Variants in AXDND1 observed in about 807,000 individuals in gnomAD.
The protein encoded by AXDND1 is axonemal dynein light chain domain containing 1.
In AXDND1, 110 loss-of-function variants were observed where a neutral mutation model predicts 137.5. The observed-to-expected ratio is 0.80, with a 90% CI of 0.69 to 0.94. The LOEUF (loss-of-function observed/expected upper bound fraction) is 0.94, where lower values mean the gene tolerates loss of function less well. Ranked by LOEUF, AXDND1 falls within the 40% of genes least tolerant of loss-of-function variation. AXDND1 has a pLI of 0.00. For synonymous variants in AXDND1, 414 were observed against 399.7 expected, an observed-to-expected ratio of 1.04 and a Z score of -0.43; for missense variants, 1,191 against 1,169.8, an observed-to-expected ratio of 1.02 and a Z score of -0.26.
chr1:179,511,081 C>T (rs1362450170), intron 21 of AXDND1, among the ~76,000 whole-genome samples: 9 of 151,766 alleles, frequency 5.9e-5, no homozygotes, highest in Non-Finnish European at 1.0e-4. Flanking sequence ...GCAGGAGAAT[C>T]GCTTGAACCC....
At chr1:179,436,659 G>A (rs1459487702) in intron 15 of AXDND1, among the ~76,000 whole-genome samples, 1 of 152,104 alleles carries the variant, frequency 6.6e-6, no homozygotes, top group Non-Finnish European at 1.5e-5. Context: ...ATGGACACAG[G>A]AAGGGGAAAA....
At chr1:179,474,658 C>T (rs1361884917) in intron 17 of AXDND1, among the ~76,000 whole-genome samples, 1 of 152,048 alleles carries the variant, frequency 6.6e-6, no homozygotes, top group Admixed American at 6.6e-5. Flanking sequence ...GAAGAAATTT[C>T]TAAGTGGCAA....
At chr1:179,371,034 T>C (rs1170609345) in intron 4 of AXDND1, among the ~76,000 whole-genome samples, 2 of 152,218 alleles carry the variant, frequency 1.3e-5, no homozygotes, top group African/African-American at 4.8e-5. Flanking sequence ...CTCCGGATCA[T>C]GGTTATAATT....
chr1:179,473,921 G>A (rs1407077178), intron 17 of AXDND1, among the ~76,000 whole-genome samples: 1 of 152,066 alleles, frequency 6.6e-6, no homozygotes, highest in East Asian at 1.9e-4. Flanking sequence ...AACCTCATTT[G>A]TTTATAAGTT....
intron 24 of AXDND1, 125 bp from the exon 25 acceptor site, chr1:179,534,605 C>A: frequency 8.0e-7 from 1 of 1,254,360 alleles, no homozygotes. Flanking sequence ...GATGCTGTTG[C>A]TTCCCTTATT....
At chr1:179,473,643 T>G (rs942044530) in intron 17 of AXDND1, among the ~76,000 whole-genome samples, 2 of 152,194 alleles carry the variant, frequency 1.3e-5, no homozygotes. Flanking sequence ...ATGGTTTGGC[T>G]CTGTGTCCCC....
chr1:179,462,776 A>G (rs34377475), intron 16 of AXDND1, among the ~76,000 whole-genome samples: 47,042 of 151,978 alleles, frequency 0.31, 7,820 homozygotes, highest in Middle Eastern at 0.4. Flanking sequence ...TTGGTAGGCT[A>G]TTAATTATTG....
chr1:179,481,725 C>T (rs1382719857), intron 17 of AXDND1, among the ~76,000 whole-genome samples: 1 of 152,214 alleles, frequency 6.6e-6, no homozygotes, highest in Non-Finnish European at 1.5e-5. Flanking sequence ...TTGCATTTCT[C>T]TGATGGCCAG....
chr1:179,516,020 A>G (rs1323804996), intron 21 of AXDND1, among the ~76,000 whole-genome samples: 1 of 152,202 alleles, frequency 6.6e-6, no homozygotes, highest in East Asian at 1.9e-4. Context: ...AGGTTATATC[A>G]TATAGCCAAG....
chr1:179,399,926 A>G (rs1019676414), intron 11 of AXDND1, among the ~76,000 whole-genome samples: 1 of 152,266 alleles, frequency 6.6e-6, no homozygotes, highest in South Asian at 2.1e-4. Context: ...TCAAAATCAG[A>G]TGTTGCCATG....
intron 12 of AXDND1, among the ~76,000 whole-genome samples, chr1:179,416,989 TGCAA>T (rs1654809721): frequency 6.6e-6 from 1 of 152,220 alleles, no homozygotes; most frequent in South Asian, 2.1e-4. Flanking sequence ...TCCACATCTT[TGCAA>T]GCATCTGTAT....
At chr1:179,491,215 A>G (rs1280726640) in intron 18 of AXDND1, among the ~76,000 whole-genome samples, 1 of 152,136 alleles carries the variant, frequency 6.6e-6, no homozygotes, top group African/African-American at 2.4e-5. Flanking sequence ...GGAGGTTAAG[A>G]TGGATGGATC....
intron 11 of AXDND1, among the ~76,000 whole-genome samples, chr1:179,401,114 C>G (rs1162361785): frequency 6.6e-6 from 1 of 150,960 alleles, no homozygotes; most frequent in Non-Finnish European, 1.5e-5. Context: ...CAAAATTAGC[C>G]AGGTGTGGTG....
Position 179,438,742 on chromosome 1 carries a change from T to C in AXDND1, c.1564-6228T>C, listed in dbSNP as rs568190923. On this transcript the variant is annotated intron_variant, in intron 15 of 25. Transcript: ENST00000367618. Reference sequence around the variant, plus strand: ...ATGTGCTATGATTAATGCAGTGATATAACTGGCAAGATTTGCAGGTCAATT... The same window carrying C: ...ATGTGCTATGATTAATGCAGTGATACAACTGGCAAGATTTGCAGGTCAATT... 3.9e-5 allele frequency among the ~76,000 whole-genome samples: 6 copies of C among 152,324 alleles called. No homozygotes were observed. In the South Asian group the frequency reaches 1.2e-3, roughly 32 times the overall value.
At chr1:179,379,058 G>A (rs1483240982) in intron 5 of AXDND1, among the ~76,000 whole-genome samples, 1 of 152,118 alleles carries the variant, frequency 6.6e-6, no homozygotes, top group Admixed American at 6.6e-5. Context: ...CACATATAAA[G>A]TTGTAGGATT....
intron 11 of AXDND1, among the ~76,000 whole-genome samples, chr1:179,403,981 A>G (rs1463067551): frequency 6.6e-6 from 1 of 152,172 alleles, no homozygotes; most frequent in Non-Finnish European, 1.5e-5. Context: ...ATTTTATTCA[A>G]CTATGATTTA....
In AXDND1 at chr1:179,483,146, A is replaced by G. The variant is rs757260454; in HGVS notation, c.2016A>G (p.Ile672Met). ...VDSVSVLQAYIFNMIQQWLLK... is the reference protein window; with the variant it reads ...VDSVSVLQAYMFNMIQQWLLK... ...CCTTCAGGGTACTCCAAGCGTATAT[A>G]TTTAACATGATTCAACAATGGCTTT... Residue 672 changes from isoleucine to methionine, a missense_variant, in exon 18 of 26, where the codon ATA (isoleucine) becomes ATG (methionine). Physicochemically the swap from Ile to Met is conservative, Grantham distance 10. Transcript: ENST00000367618. 26 of 1,606,026 alleles carry G rather than the reference A, an allele frequency of 1.6e-5. No individual in the cohort carries two copies. Among genetic ancestry groups the G allele is most frequent in the Admixed American group, 5.1e-5 (3 of 58,992 alleles).
chr1:179,518,023 T>C (rs1162460440), intron 21 of AXDND1, among the ~76,000 whole-genome samples: 2 of 152,242 alleles, frequency 1.3e-5, no homozygotes, highest in African/African-American at 4.8e-5. Context: ...ATAACATCCA[T>C]ACTTGATCAT....
At chr1:179,418,984 G>A (rs1655201193) in intron 12 of AXDND1, among the ~76,000 whole-genome samples, 1 of 150,830 alleles carries the variant, frequency 6.6e-6, no homozygotes, top group Non-Finnish European at 1.5e-5. Context: ...AGACGAGGCG[G>A]CGGGGCAGAG....
Sources: gnomAD v4.1 joint callset for allele counts (sites outside exome capture counted in the v4.1 genomes callset) on GRCh38, gnomAD v4.1.1 for gene constraint, MANE v1.5 for transcripts, NCBI Gene and HGNC (gene_info 2026-07-23, HGNC 2026-07-21) for gene names.